Variants in CACNB4 observed in about 807,000 individuals in gnomAD.
CACNB4 encodes calcium voltage-gated channel auxiliary subunit beta 4.
CACNB4 carries 32 observed loss-of-function variants against 71.2 expected under a neutral mutation model. The observed-to-expected ratio is 0.45, with a 90% confidence interval of 0.34 to 0.60. The LOEUF (loss-of-function observed/expected upper bound fraction) is 0.60. CACNB4 is among the 20% of genes least tolerant of loss of function. The pLI is 0.01. For missense variants in CACNB4, 464 were observed against 647.9 expected, an observed-to-expected ratio of 0.72 and a Z score of 3.08; for synonymous variants, 231 against 236.9, an observed-to-expected ratio of 0.97 and a Z score of 0.23.
intron 2 of CACNB4, chr2:151,966,964 G>A (rs1378047406): frequency 6.7e-6 from 1 of 149,572 alleles, no homozygotes; most frequent in Admixed American, 6.7e-5. Context: ...GAAAGTTTAA[G>A]AAATATGCCC....
At chr2:151,884,634 CAAAA>C (rs35506114) in intron 2 of CACNB4, among the ~76,000 whole-genome samples, 46 of 61,504 alleles carry the variant, frequency 7.5e-4, no homozygotes, top group South Asian at 2.2e-3. Flanking sequence ...GACTCCGTCT[CAAAA>C]AAAAAAAAAA....
intron 2 of CACNB4, among the ~76,000 whole-genome samples, chr2:152,001,487 G>A (rs913314882): frequency 7.7e-6 from 1 of 130,376 alleles, no homozygotes; most frequent in Non-Finnish European, 1.5e-5. Flanking sequence ...TCAGGAGTTC[G>A]AGACCAGCCT....
intron 2 of CACNB4, among the ~76,000 whole-genome samples, chr2:151,980,608 C>T (rs1187657264): frequency 2.0e-5 from 3 of 152,190 alleles, no homozygotes; most frequent in African/African-American, 7.2e-5. Flanking sequence ...TTAATGATGG[C>T]CCTGAGCTCC....
chr2:151,839,467 C>A, intron 13 of CACNB4, 88 bp from the exon 14 acceptor site: 1 of 1,012,118 alleles, frequency 9.9e-7, no homozygotes, highest in Non-Finnish European at 1.5e-6. Flanking sequence ...AGGATCTGTA[C>A]AATAAGATGC....
chr2:152,076,664 G>A (rs561158889), intron 2 of CACNB4, among the ~76,000 whole-genome samples: 10 of 152,154 alleles, frequency 6.6e-5, no homozygotes, highest in Non-Finnish European at 1.5e-4. Flanking sequence ...AAGACATCCT[G>A]TCTATCCTTG....
intron 2 of CACNB4, among the ~76,000 whole-genome samples, chr2:151,950,729 T>C (rs191083885): frequency 1.8e-4 from 27 of 152,360 alleles, no homozygotes; most frequent in Admixed American, 7.8e-4. Context: ...TATTGTATGA[T>C]TTCATTTATG....
intron 2 of CACNB4, among the ~76,000 whole-genome samples, chr2:152,076,676 G>A (rs1246195392): frequency 6.6e-6 from 1 of 152,094 alleles, no homozygotes; most frequent in Admixed American, 6.5e-5. Context: ...CTATCCTTGT[G>A]TAATACCTCA....
At chr2:151,909,352 C>T (rs1037101515) in intron 2 of CACNB4, among the ~76,000 whole-genome samples, 21 of 150,832 alleles carry the variant, frequency 1.4e-4, no homozygotes, top group African/African-American at 4.9e-4. Flanking sequence ...GGGAGAATTG[C>T]TTGAACCCGG....
intron 2 of CACNB4, among the ~76,000 whole-genome samples, chr2:151,953,408 T>C (rs1177597881): frequency 6.6e-6 from 1 of 152,174 alleles, no homozygotes; most frequent in Non-Finnish European, 1.5e-5. Flanking sequence ...ACTCCTCCCT[T>C]CCCTGTTTTA....
intron 2 of CACNB4, among the ~76,000 whole-genome samples, chr2:152,017,429 C>T (rs1037030796): frequency 2.0e-5 from 3 of 150,884 alleles, no homozygotes; most frequent in Non-Finnish European, 2.9e-5. Flanking sequence ...TGAGATGGGC[C>T]GGGCGCGGTG....
intron 2 of CACNB4, among the ~76,000 whole-genome samples, chr2:152,006,115 G>A (rs928404366): frequency 6.6e-6 from 1 of 152,194 alleles, no homozygotes; most frequent in Non-Finnish European, 1.5e-5. Flanking sequence ...ATGTGGTCTT[G>A]CATATGCCCT....
chr2:152,098,417 G>A lies in CACNB4; in HGVS notation c.64-4C>T, dbSNP rs886054970. On this transcript the variant is annotated splice_region_variant and splice_polypyrimidine_tract_variant and intron_variant, in intron 1 of 13. Coordinates refer to ENST00000539935, the MANE Select transcript of CACNB4 (RefSeq NM_000726.5). This position sits in a 1 kb window ranked among gnomAD's most constrained non-coding sequence, Gnocchi z 5.3. ...GGGTTGTGGTGCCTCGGGCCACCTGGACTCGACACACGGGGGCCAGAGAGA... is the reference window on the plus strand; with the variant it reads ...GGGTTGTGGTGCCTCGGGCCACCTGAACTCGACACACGGGGGCCAGAGAGA... 5 of 1,611,172 alleles carry A rather than the reference G, an allele frequency of 3.1e-6. No homozygotes were observed. Among genetic ancestry groups the A allele is most frequent in the South Asian group, 1.1e-5 (1 of 91,014 alleles).
chr2:151,870,167 T>C (rs1238349463), intron 8 of CACNB4: 1 of 643,844 alleles, frequency 1.6e-6, no homozygotes, highest in Non-Finnish European at 2.8e-6. Flanking sequence ...GGAAGATTGA[T>C]TGTTTGTCCT....
intron 2 of CACNB4, among the ~76,000 whole-genome samples, chr2:151,999,642 T>A (rs1682283200): frequency 1.3e-5 from 2 of 152,340 alleles, no homozygotes; most frequent in Non-Finnish European, 2.9e-5. Context: ...AATGTGTTAA[T>A]CCTCTTCTTG....
At chr2:151,987,781 G>A (rs191102623) in intron 2 of CACNB4, among the ~76,000 whole-genome samples, 7 of 152,242 alleles carry the variant, frequency 4.6e-5, no homozygotes, top group African/African-American at 1.7e-4. Flanking sequence ...CTAGGCACAG[G>A]GAGAATGAAT....
At chr2:151,884,883 C>A (rs535217669) in intron 2 of CACNB4, among the ~76,000 whole-genome samples, 12 of 152,138 alleles carry the variant, frequency 7.9e-5, no homozygotes, top group African/African-American at 2.9e-4. Context: ...TTTCATAAAT[C>A]ATGCACAGGT....
chr2:152,064,362 C>A (rs1686181958), intron 2 of CACNB4, among the ~76,000 whole-genome samples: 1 of 152,122 alleles, frequency 6.6e-6, no homozygotes, highest in African/African-American at 2.4e-5. Context: ...TGTATATGCA[C>A]CAGAATGTTT....
rs2099834861 is a variant in CACNB4, at chr2:151,836,265, CAAAACAGTAAAAGACT to C, written c.*2838_*2853del. 1.3e-5 allele frequency: 2 copies of C among 151,698 alleles called. No individual in the cohort carries two copies. 9.4% of individuals were successfully genotyped at this position (151,698 alleles called of 1,614,324 possible). On this transcript the variant is annotated 3_prime_UTR_variant, in exon 14 of 14. Transcript: ENST00000539935. ...CTTATACTGTAAGTTAAAACAGCCT[CAAAACAGTAAAAGACT>C]TGTTTCTCTTGCTTATAATCATTTG...
intron 2 of CACNB4, among the ~76,000 whole-genome samples, chr2:152,000,011 T>C (rs976522414): frequency 3.9e-5 from 6 of 152,224 alleles, no homozygotes; most frequent in East Asian, 1.9e-4. Context: ...AAGCATTGTG[T>C]CATCAATCCT....
Sources: gnomAD v4.1 joint callset for allele counts (sites outside exome capture counted in the v4.1 genomes callset) on GRCh38, gnomAD v4.1.1 for gene constraint, Gnocchi (gnomAD v3.1) non-coding constraint, MANE v1.5 for transcripts, NCBI Gene and HGNC (gene_info 2026-07-23, HGNC 2026-07-21) for gene names.